Variants in KHDRBS2 observed in about 807,000 individuals in gnomAD.
KHDRBS2 encodes the protein KH RNA binding domain containing, signal transduction associated 2, also known as KH domain-containing, RNA-binding, signal transduction-associated protein 2.
Under a neutral mutation model 44.3 loss-of-function variants are expected in KHDRBS2, and 26 were observed. That is an observed-to-expected ratio of 0.59 (90% CI 0.43 to 0.81). The LOEUF (loss-of-function observed/expected upper bound fraction) is 0.81, where lower values mean the gene tolerates loss of function less well. Ranked by LOEUF, KHDRBS2 falls within the 40% of genes least tolerant of loss-of-function variation. The pLI is 0.00. For synonymous variants in KHDRBS2, 194 were observed against 151.1 expected (o/e 1.28, Z -2.08); for missense variants, 476 against 433.1 (o/e 1.10, Z -0.88).
intron 4 of KHDRBS2, among the ~76,000 whole-genome samples, chr6:61,905,522 C>T (rs1472399507): frequency 2.0e-5 from 3 of 152,020 alleles, no homozygotes; most frequent in Non-Finnish European, 4.4e-5. Context: ...TCAGAGAGAC[C>T]TTCAGGCTTA....
At chr6:62,127,623 C>A (rs1303745933) in intron 2 of KHDRBS2, among the ~76,000 whole-genome samples, 2 of 151,894 alleles carry the variant, frequency 1.3e-5, no homozygotes, top group African/African-American at 2.4e-5. Context: ...CTAATACTTT[C>A]TTATTTTCTG....
chr6:61,893,911 A>T (rs1390163614), intron 6 of KHDRBS2, among the ~76,000 whole-genome samples: 1 of 152,138 alleles, frequency 6.6e-6, no homozygotes, highest in Non-Finnish European at 1.5e-5. Flanking sequence ...TAAAAAAAAA[A>T]ACATTTACAG....
chr6:61,861,948 C>T (rs549231236), intron 6 of KHDRBS2, among the ~76,000 whole-genome samples: 1 of 152,106 alleles, frequency 6.6e-6, no homozygotes, highest in African/African-American at 2.4e-5. Context: ...TTGCTGTATT[C>T]CTAGGTATTT....
intron 8 of KHDRBS2, among the ~76,000 whole-genome samples, chr6:61,682,494 G>A (rs749358830): frequency 2.6e-5 from 4 of 151,846 alleles, no homozygotes; most frequent in Non-Finnish European, 4.4e-5. Flanking sequence ...TCTGGCCTGT[G>A]AACCAAATTT....
intron 4 of KHDRBS2, among the ~76,000 whole-genome samples, chr6:61,929,302 A>C (rs1366222057): frequency 6.6e-6 from 1 of 152,212 alleles, no homozygotes; most frequent in African/African-American, 2.4e-5. Context: ...GTTGTACTAT[A>C]GTAGTAAAGT....
At chr6:61,692,069 C>A (rs1307815724) in intron 8 of KHDRBS2, among the ~76,000 whole-genome samples, 1 of 152,094 alleles carries the variant, frequency 6.6e-6, no homozygotes, top group Non-Finnish European at 1.5e-5. Flanking sequence ...TCTGTCCATT[C>A]TTAGCTATCA....
At chr6:62,124,261 A>G (rs1229609442) in intron 2 of KHDRBS2, among the ~76,000 whole-genome samples, 1 of 152,192 alleles carries the variant, frequency 6.6e-6, no homozygotes, top group Non-Finnish European at 1.5e-5. Flanking sequence ...ACCAATTTCA[A>G]GCAATTTATA....
rs374975623 is a variant in KHDRBS2, at chr6:62,037,493, G to GA, written c.336+10384dup. Among the ~76,000 whole-genome samples, 602 of 151,682 alleles carry GA rather than the reference G, an allele frequency of 4.0e-3. 4 individuals carry two copies. Among genetic ancestry groups the GA allele is most frequent in the African/African-American group, 0.013 (549 of 41,376 alleles). ...GAAAAAAAAAGAAAATGAAGACTGG[G>GA]AAAAAATATTCCATAAGAGTTTAAT... On this transcript the variant is annotated intron_variant, in intron 3 of 8. Coordinates refer to ENST00000281156, the MANE Select transcript of KHDRBS2 (RefSeq NM_152688.4).
At chr6:62,061,216 A>G (rs1356646617) in intron 2 of KHDRBS2, among the ~76,000 whole-genome samples, 3 of 151,298 alleles carry the variant, frequency 2.0e-5, no homozygotes, top group Admixed American at 2.0e-4. Context: ...TCCTGTCATT[A>G]TGATGTTAGC....
At chr6:61,892,562 C>T (rs1428736386) in intron 6 of KHDRBS2, among the ~76,000 whole-genome samples, 1 of 152,060 alleles carries the variant, frequency 6.6e-6, no homozygotes, top group African/African-American at 2.4e-5. Context: ...AGATACAGAC[C>T]AATGGAACAG....
At chr6:62,162,969 T>C (rs1195993429) in intron 2 of KHDRBS2, among the ~76,000 whole-genome samples, 2 of 152,012 alleles carry the variant, frequency 1.3e-5, no homozygotes, top group Non-Finnish European at 1.5e-5. Context: ...GATATCCATA[T>C]GTTGATGTCA....
At chr6:62,001,245 G>A (rs895911797) in intron 3 of KHDRBS2, among the ~76,000 whole-genome samples, 2 of 152,102 alleles carry the variant, frequency 1.3e-5, no homozygotes, top group African/African-American at 4.8e-5. Context: ...AGTAGTCTCA[G>A]GGTTAAAGTT....
chr6:62,186,396 G>A (rs959468346), intron 1 of KHDRBS2, among the ~76,000 whole-genome samples: 5 of 151,978 alleles, frequency 3.3e-5, no homozygotes, highest in South Asian at 4.1e-4. Context: ...CTGGACATGA[G>A]ACTTCACTGA....
At chr6:62,005,107 A>C (rs1034924217) in intron 3 of KHDRBS2, among the ~76,000 whole-genome samples, 2 of 152,094 alleles carry the variant, frequency 1.3e-5, no homozygotes, top group African/African-American at 2.4e-5. Context: ...TTCTGATTAC[A>C]ATCTCTTGAT....
rs70996208 is a variant in KHDRBS2 at position 62,194,480 on chromosome 6, C to CT, written c.92-17169dup. Among the ~76,000 whole-genome samples the CT allele has an allele frequency of 1.2e-3, 86 of 69,762 alleles. 6 individuals carry two copies. The highest frequency in any genetic ancestry group is 1.2e-3 in the Non-Finnish European group (47 of 39,774). 45.8% of individuals were successfully genotyped at this position (69,762 alleles called of 152,430 possible). ...CACTTTCTTTTCTTTTCTTTTCTTC[C>CT]TTTTTTTTTTTTTTTTTTTTTTTTT... On this transcript the variant is annotated intron_variant, in intron 1 of 8. Transcript: ENST00000281156.
chr6:62,184,536 C>A (rs550957666), intron 1 of KHDRBS2, among the ~76,000 whole-genome samples: 11 of 151,716 alleles, frequency 7.3e-5, no homozygotes, highest in African/African-American at 2.4e-4. Flanking sequence ...ATTGAGGAGT[C>A]CTTAATGTAG....
At chr6:61,570,518 C>T in the KHDRBS2 span, among the ~76,000 whole-genome samples, 2 of 152,090 alleles carry the variant, frequency 1.3e-5, no homozygotes, top group Non-Finnish European at 2.9e-5. Context: ...AGGAAAACTT[C>T]TTTGACCTTG....
intron 6 of KHDRBS2, among the ~76,000 whole-genome samples, chr6:61,865,709 A>G (rs1235149295): frequency 1.3e-5 from 2 of 152,206 alleles, no homozygotes; most frequent in Non-Finnish European, 2.9e-5. Context: ...TCATTTCAGC[A>G]TTAACTCAAA....
intron 7 of KHDRBS2, among the ~76,000 whole-genome samples, chr6:61,705,395 C>T (rs1769354978): frequency 6.6e-6 from 1 of 151,822 alleles, no homozygotes; most frequent in Admixed American, 6.6e-5. Flanking sequence ...TTTAATGCTT[C>T]TCTGGCACTT....
Sources: allele counts gnomAD v4.1 joint callset (sites outside exome capture counted in the v4.1 genomes callset), GRCh38; gene constraint gnomAD v4.1.1; transcripts MANE v1.5; gene names NCBI Gene and HGNC (gene_info 2026-07-23, HGNC 2026-07-21).